Variants in ALDH5A1 observed in about 807,000 individuals in gnomAD.
The protein encoded by ALDH5A1 is aldehyde dehydrogenase 5 family member A1, also known as succinate-semialdehyde dehydrogenase, mitochondrial.
In ALDH5A1, 33 loss-of-function variants were observed where a neutral mutation model predicts 54.7. The observed-to-expected ratio is 0.60, with a 90% confidence interval of 0.46 to 0.81. The LOEUF is 0.81. ALDH5A1 is among the 30% of genes least tolerant of loss of function. ALDH5A1 has a pLI of 0.00. For synonymous variants in ALDH5A1, 294 were observed against 292.7 expected, an observed-to-expected ratio of 1.00 and a Z score of -0.05; for missense variants, 657 against 711.0, an observed-to-expected ratio of 0.92 and a Z score of 0.86.
At chr6:24,529,670 G>GTTTTTTTT (rs55878931) in intron 8 of ALDH5A1, among the ~76,000 whole-genome samples, 77 of 86,340 alleles carry the variant, frequency 8.9e-4, no homozygotes, top group Non-Finnish European at 1.3e-3. Context: ...TTTGGTTTGG[G>GTTTTTTTT]TTTTTTTTTT....
intron 4 of ALDH5A1, among the ~76,000 whole-genome samples, chr6:24,510,957 T>A (rs1759447128): frequency 6.6e-6 from 1 of 152,254 alleles, no homozygotes; most frequent in Non-Finnish European, 1.5e-5. Context: ...TTTTGATGTG[T>A]TTCCAGGATT....
chr6:24,516,869 G>A (rs970517302), intron 5 of ALDH5A1, among the ~76,000 whole-genome samples: 1 of 152,198 alleles, frequency 6.6e-6, no homozygotes, highest in Non-Finnish European at 1.5e-5. Context: ...GCTGCAGTGA[G>A]TTGTGATCAT....
Position 24,533,994 on chromosome 6 carries a change from G to A in ALDH5A1, c.*282G>A, listed in dbSNP as rs936634415. On this transcript the variant is annotated 3_prime_UTR_variant, in exon 10 of 10. Coordinates refer to ENST00000357578, the MANE Select transcript of ALDH5A1 (RefSeq NM_001080.3). ...CCACCACAGCCCCAGCTGCCTCAGA[G>A]CAGGCACAGCACAAGGCAGGCCCAG... 5.0e-5 allele frequency: 20 copies of A among 402,162 alleles called. No individual in the cohort carries two copies. Among genetic ancestry groups the A allele is most frequent in the Non-Finnish European group, 7.5e-5 (16 of 214,104 alleles). The allele number at this position is 402,162 out of a possible 1,614,324, so 24.9% of individuals were successfully genotyped here.
chr6:24,532,916 C>T (rs1759963014), intron 9 of ALDH5A1, among the ~76,000 whole-genome samples: 1 of 151,992 alleles, frequency 6.6e-6, no homozygotes, highest in Non-Finnish European at 1.5e-5. Context: ...TCTTCCTTCT[C>T]GATGGGGTGA....
chr6:24,523,987 T>G (rs868439090), intron 7 of ALDH5A1, among the ~76,000 whole-genome samples: 4,360 of 29,906 alleles, frequency 0.15, 113 homozygotes, highest in African/African-American at 0.25. Context: ...TTTTTTGTGT[T>G]TTTTTTTTTT....
intron 1 of ALDH5A1, 51 bp from the exon 2 acceptor site, chr6:24,502,472 G>T (rs777521787): frequency 3.7e-5 from 49 of 1,323,540 alleles, no homozygotes; most frequent in Non-Finnish European, 5.1e-5. Flanking sequence ...TTAGCATTCT[G>T]TCTTACACTT....
At chr6:24,503,610 A>T (rs1286598131) in intron 3 of ALDH5A1, among the ~76,000 whole-genome samples, 177 bp downstream of exon 3, 1 of 152,082 alleles carries the variant, frequency 6.6e-6, no homozygotes, top group Admixed American at 6.5e-5. Flanking sequence ...TGATGATGTT[A>T]GGTGTGGTGG....
intron 1 of ALDH5A1, among the ~76,000 whole-genome samples, chr6:24,501,913 G>GTACATATATAT (rs1561868963): frequency 1.4e-5 from 2 of 147,572 alleles, no homozygotes; most frequent in African/African-American, 2.5e-5. Flanking sequence ...GTGTGTGTGT[G>GTACATATATAT]GGTGTATATA....
At chr6:24,528,232 G>A in intron 8 of ALDH5A1, 66 bp downstream of exon 8, 1 of 1,593,176 alleles carries the variant, frequency 6.3e-7, no homozygotes, top group East Asian at 2.2e-5. Flanking sequence ...AACCCTGAAA[G>A]AGATTCCTGG....
At chr6:24,508,385 A>AGG (rs1561871742) in intron 4 of ALDH5A1, among the ~76,000 whole-genome samples, 1,326 of 53,508 alleles carry the variant, frequency 0.025, 96 homozygotes, top group Middle Eastern at 0.054. Flanking sequence ...AAAAAAAAAA[A>AGG]AAAGATTAAT....
At chr6:24,514,884 C>G (rs1417978080) in intron 4 of ALDH5A1, among the ~76,000 whole-genome samples, 2 of 152,056 alleles carry the variant, frequency 1.3e-5, no homozygotes, top group Non-Finnish European at 2.9e-5. Context: ...GTGATCCTCT[C>G]AACTCTGCCT....
At position 24,515,941 on chromosome 6, in the gene ALDH5A1, C is replaced by T. The variant is rs1218340681; in HGVS notation, c.870+631C>T. Among the ~76,000 whole-genome samples the T allele has an allele frequency of 2.6e-5, 4 of 152,136 alleles. No individual in the cohort carries two copies. The East Asian group carries it at 7.7e-4, about 29-fold the overall frequency. On this transcript the variant is annotated intron_variant, in intron 5 of 9. Coordinates refer to ENST00000357578, the MANE Select transcript of ALDH5A1 (RefSeq NM_001080.3). ...TGGAATGCATCTTTCTTTCAATAAT[C>T]TAGAGTTAGAGATTCCAGAAACACA... is the stretch of plus-strand genomic sequence containing the variant.
At chr6:24,506,243 C>CTTTTTTTTTT (rs70974913) in intron 4 of ALDH5A1, among the ~76,000 whole-genome samples, 1,396 of 52,152 alleles carry the variant, frequency 0.027, 402 homozygotes, top group Non-Finnish European at 0.039. Context: ...TTCCTGGTTC[C>CTTTTTTTTTT]TTTTTTTTTT....
At chr6:24,522,478 C>CGTGTGTGTGTGTGTGTGTGTGTGTGTGT (rs5874989) in intron 6 of ALDH5A1, among the ~76,000 whole-genome samples, 3,429 of 134,408 alleles carry the variant, frequency 0.026, 167 homozygotes, top group Non-Finnish European at 0.035. Flanking sequence ...TCTTTTCTTT[C>CGTGTGTGTGTGTGTGTGTGTGTGTGTGT]GTGTGTGTGT....
chr6:24,522,371 C>T (rs373120350), intron 6 of ALDH5A1, among the ~76,000 whole-genome samples: 26 of 152,204 alleles, frequency 1.7e-4, no homozygotes, highest in South Asian at 8.3e-4. Context: ...GTTGCTGCAG[C>T]ATCACAGTCT....
chr6:24,511,910 T>G, intron 4 of ALDH5A1: 1 of 584,774 alleles, frequency 1.7e-6, no homozygotes, highest in Non-Finnish European at 3.1e-6. Context: ...AGAATCTTGT[T>G]TTTTCATATT....
chr6:24,503,179 T>A, intron 2 of ALDH5A1, 84 bp from the exon 3 acceptor site: 1 of 1,518,234 alleles, frequency 6.6e-7, no homozygotes, highest in East Asian at 2.3e-5. Flanking sequence ...TCTACTCTTG[T>A]TGCATCTTGA....
In ALDH5A1 at chr6:24,515,153, G is replaced by A. The variant is rs375223878; in HGVS notation, c.727-14G>A. The A allele has an allele frequency of 2.1e-5, 26 of 1,232,638 alleles. No individual in the cohort carries two copies. The highest frequency in any genetic ancestry group is 4.2e-4 in the Middle Eastern group (2 of 4,752). 76.4% of individuals were successfully genotyped at this position (1,232,638 alleles called of 1,614,324 possible). A position where few individuals can be genotyped will look rare whatever the true frequency, so the allele number is the denominator to read the frequency against. ...GGTAAATTGTTGGCACATGTTTGCT[G>A]TTTCTCTTTATAGCTTGCAAGCCAG... On this transcript the variant is annotated splice_polypyrimidine_tract_variant and intron_variant, in intron 4 of 9. Coordinates refer to ENST00000357578, the MANE Select transcript of ALDH5A1 (RefSeq NM_001080.3).
chr6:24,518,028 G>C lies in ALDH5A1; in HGVS notation c.871-2373G>C, dbSNP rs1392687591. Among the ~76,000 whole-genome samples the C allele has an allele frequency of 6.6e-6, 1 of 152,182 alleles. No individual in the cohort carries two copies. The highest frequency in any genetic ancestry group is 1.5e-5 in the Non-Finnish European group (1 of 68,022). On this transcript the variant is annotated intron_variant, in intron 5 of 9. Transcript: ENST00000357578. This position sits in a 1 kb window ranked among gnomAD's most constrained non-coding sequence, Gnocchi z 4.2. ...GAATCATGAGTGGTCATTGACTTGA[G>C]CGAAACAGAAATTGTGGGCTGGCCA...
Sources: gnomAD v4.1 joint callset for allele counts (sites outside exome capture counted in the v4.1 genomes callset) on GRCh38, gnomAD v4.1.1 for gene constraint, Gnocchi (gnomAD v3.1) non-coding constraint, MANE v1.5 for transcripts, NCBI Gene and HGNC (gene_info 2026-07-23, HGNC 2026-07-21) for gene names.